PNPLA7: variants seen among roughly 807,000 people sequenced by gnomAD.
PNPLA7 encodes patatin-like phospholipase domain-containing protein 7.
Under a neutral mutation model 161.7 loss-of-function variants are expected in PNPLA7, and 153 were observed. The observed-to-expected ratio is 0.95, with a 90% CI of 0.83 to 1.08. The LOEUF (loss-of-function observed/expected upper bound fraction) is 1.08, where lower values mean the gene tolerates loss of function less well. Ranked by LOEUF, PNPLA7 falls within the 50% of genes least tolerant of loss-of-function variation. The pLI, the probability that PNPLA7 is intolerant of heterozygous loss-of-function variation, is 0.00. For missense variants in PNPLA7, 1,739 were observed against 1,856.6 expected (o/e 0.94, Z 1.16); for synonymous variants, 809 against 782.1 (o/e 1.03, Z -0.57).
chr9:137,484,667 G>A lies in PNPLA7; in HGVS notation c.2267C>T (p.Thr756Met), dbSNP rs199678549. ...CTCTGACACGGGCATCACTGCCACC[G>A]TGGACAGGTTGACAGCCGGGTTCCC... Reference protein sequence around the residue: ...DLGNPAVNLSTVAVMPVSEEV... With the variant: ...DLGNPAVNLSMVAVMPVSEEV... Residue 756 changes from threonine to methionine, a missense_variant, in exon 21 of 35, where the codon ACG becomes ATG. Thr to Met is a moderately conservative substitution (Grantham distance 81). Around this residue, in one of 6 missense-constraint regions of PNPLA7, gnomAD observed 192 missense variants for 249.5 expected, o/e 0.77. Coordinates refer to ENST00000406427, the MANE Select transcript of PNPLA7 (RefSeq NM_001098537.3). The A allele has an allele frequency of 9.3e-6, 15 of 1,612,418 alleles. No individual in the cohort carries two copies. Among genetic ancestry groups the A allele is most frequent in the Admixed American group, 5.0e-5 (3 of 59,896 alleles).
intron 8 of PNPLA7, among the ~76,000 whole-genome samples, chr9:137,526,761 T>C (rs1448625193): frequency 1.3e-5 from 2 of 152,218 alleles, no homozygotes; most frequent in African/African-American, 2.4e-5. Flanking sequence ...TAATTCTTCA[T>C]TGCTAATATA....
chr9:137,509,867 C>T (rs1834126215), intron 12 of PNPLA7: 1 of 370,638 alleles, frequency 2.7e-6, no homozygotes, highest in Non-Finnish European at 5.5e-6. Context: ...AGATATAGAT[C>T]TTAGGTATGA....
intron 19 of PNPLA7, among the ~76,000 whole-genome samples, chr9:137,494,471 G>C (rs920743051): frequency 6.6e-6 from 1 of 152,174 alleles, no homozygotes; most frequent in African/African-American, 2.4e-5. Flanking sequence ...TCCATGTGTA[G>C]GTAGACCGAA....
intron 12 of PNPLA7, 50 bp from the exon 13 acceptor site, chr9:137,506,133 A>T (rs1261810550): frequency 6.6e-7 from 1 of 1,507,324 alleles, no homozygotes; most frequent in Admixed American, 1.9e-5. Flanking sequence ...CCACTGACAC[A>T]AACGTCCGCG....
chr9:137,515,453 G>A lies in PNPLA7; in HGVS notation c.1151C>T (p.Pro384Leu), dbSNP rs1240422840. The A allele has an allele frequency of 1.3e-6, 2 of 1,595,992 alleles. No homozygotes were observed. Among genetic ancestry groups the A allele is most frequent in the Non-Finnish European group, 1.7e-6 (2 of 1,172,626 alleles). Residue 384 changes from proline to leucine, a missense_variant, in exon 12 of 35, where the codon CCT (proline) becomes CTT (leucine). Pro to Leu is a moderately conservative substitution (Grantham distance 98, BLOSUM62 -3). Coordinates refer to ENST00000406427, the MANE Select transcript of PNPLA7 (RefSeq NM_001098537.3). ...CTCCAAGATCTGTTTGCGAATGGAA[G>A]GCGCGGGGACGGAGTGGCTCCTCTT... is the stretch of plus-strand genomic sequence containing the variant. ...LLKRSHSVPA[P>L]SIRKQILEEL...
At chr9:137,477,598 G>A (rs200496857) in intron 25 of PNPLA7, among the ~76,000 whole-genome samples, 3 of 152,078 alleles carry the variant, frequency 2.0e-5, no homozygotes, top group East Asian at 1.9e-4. Context: ...ACAGGTGCGC[G>A]CCACCACGCC....
intron 14 of PNPLA7, among the ~76,000 whole-genome samples, chr9:137,502,712 C>CGAG (rs1833529242): frequency 1.2e-4 from 1 of 8,212 alleles, no homozygotes; most frequent in African/African-American, 7.1e-4. Context: ...GCGGGGGACG[C>CGAG]GGGGGACGCG....
At chr9:137,517,966 G>GTC (rs1834711480) in intron 11 of PNPLA7, among the ~76,000 whole-genome samples, 1 of 84,336 alleles carries the variant, frequency 1.2e-5, no homozygotes, top group African/African-American at 5.3e-5. Context: ...ACTCCACTCT[G>GTC]CTCACTCCAT....
intron 25 of PNPLA7, among the ~76,000 whole-genome samples, chr9:137,473,125 A>C (rs1831789688): frequency 6.6e-6 from 1 of 152,208 alleles, no homozygotes; most frequent in South Asian, 2.1e-4. Flanking sequence ...CCGTTAGACT[A>C]TCACGAGAAG....
At chr9:137,549,265 G>T (rs11137127) in intron 1 of PNPLA7, among the ~76,000 whole-genome samples, 44 of 152,252 alleles carry the variant, frequency 2.9e-4, no homozygotes, top group African/African-American at 1.0e-3. Context: ...GGCAGATCAT[G>T]AGGTCAAGAG....
At chr9:137,531,013 C>A (rs140914714) in intron 8 of PNPLA7, among the ~76,000 whole-genome samples, 1 of 152,166 alleles carries the variant, frequency 6.6e-6, no homozygotes. Context: ...ACATGCTAAT[C>A]GATCTCTGAG....
chr9:137,477,695 G>A (rs1031003534), intron 25 of PNPLA7, among the ~76,000 whole-genome samples: 2 of 152,188 alleles, frequency 1.3e-5, no homozygotes, highest in African/African-American at 4.8e-5. Context: ...TGCCCGCCTC[G>A]GCCTCCCAAA....
chr9:137,542,386 G>A (rs1031392473), intron 7 of PNPLA7, among the ~76,000 whole-genome samples: 4 of 152,254 alleles, frequency 2.6e-5, no homozygotes, highest in Non-Finnish European at 2.9e-5. Flanking sequence ...CGGGAGGATC[G>A]CTTGAGCCCA....
rs867909577 is a variant in PNPLA7 at position 137,505,755 on chromosome 9, C to T, written c.1332G>A (p.Arg444=). ...GTATCTCTGCAACCATCACGCTTTT[C>T]CTGGACTGGAGAAGAACGGAGATAC... ...HPGSSVASKS[R]KSVMVAEIPS... is the part of the protein sequence containing the mutation. Residue 444 remains arginine, a synonymous_variant, in exon 14 of 35, where the codon AGG becomes AGA. Coordinates refer to ENST00000406427, the MANE Select transcript of PNPLA7 (RefSeq NM_001098537.3). 2 of 1,613,932 alleles carry T rather than the reference C, an allele frequency of 1.2e-6. No individual in the cohort carries two copies. The highest frequency in any genetic ancestry group is 1.1e-5 in the South Asian group (1 of 91,086).
intron 14 of PNPLA7, among the ~76,000 whole-genome samples, chr9:137,505,188 A>G (rs1439766683): frequency 6.3e-5 from 3 of 47,912 alleles, no homozygotes; most frequent in Non-Finnish European, 1.4e-4. Context: ...ACTCTGTCTC[A>G]AAAAAAAAAA....
At chr9:137,521,798 G>C (rs1228302382) in intron 9 of PNPLA7, 82 bp from the exon 10 acceptor site, 8 of 1,250,388 alleles carry the variant, frequency 6.4e-6, no homozygotes, top group Non-Finnish European at 9.0e-6. Context: ...AGAGCACTGA[G>C]AACCGTGCCC....
In PNPLA7 at chr9:137,495,254, T is replaced by A. The variant is rs376512648; in HGVS notation, c.2014-108A>T. 5.4e-4 allele frequency: 380 copies of A among 709,766 alleles called. 1 individual carries two copies. The African/African-American group carries it at 6.2e-3, about 12-fold the overall frequency. The allele number at this position is 709,766 out of a possible 1,614,324, so 44.0% of individuals were successfully genotyped here. Reference sequence around the variant, plus strand: ...TGCCAGAGCCACACATGACACCCCATCCACACCGCAAGGCGGAGGCAGTCA... The same window carrying A: ...TGCCAGAGCCACACATGACACCCCAACCACACCGCAAGGCGGAGGCAGTCA... On this transcript the variant is annotated intron_variant, in intron 18 of 34. Transcript: ENST00000406427.
At chr9:137,506,121 G>A (rs1479332048) in intron 12 of PNPLA7, 38 bp from the exon 13 acceptor site, 1 of 1,561,740 alleles carries the variant, frequency 6.4e-7, no homozygotes, top group Non-Finnish European at 8.8e-7. Flanking sequence ...CGGTTCGCTA[G>A]GCCACTGACA....
rs1836350926 is a variant in PNPLA7 at position 137,543,934 on chromosome 9, T to C, written c.274-119A>G. On this transcript the variant is annotated intron_variant, in intron 4 of 34. Transcript: ENST00000406427. This position sits in a 1 kb window ranked among gnomAD's most constrained non-coding sequence, Gnocchi z 6.9. ...GGCCTCCCACAGTCCCAGCTTCAGC[T>C]CCTGGGGTCTGGCTGTGCCATTTTC... The C allele has an allele frequency of 1.2e-5, 10 of 802,832 alleles. No homozygotes were observed. The highest frequency in any genetic ancestry group is 2.1e-5 in the Non-Finnish European group (10 of 481,822). The allele number at this position is 802,832 out of a possible 1,614,324, so 49.7% of individuals were successfully genotyped here. A position where few individuals can be genotyped will look rare whatever the true frequency, so the allele number is the denominator to read the frequency against.
Sources: allele counts gnomAD v4.1 joint callset (sites outside exome capture counted in the v4.1 genomes callset), GRCh38; gene constraint gnomAD v4.1.1; regional missense constraint gnomAD v4.1.1; non-coding constraint Gnocchi (gnomAD v3.1); transcripts MANE v1.5; gene names NCBI Gene and HGNC (gene_info 2026-07-23, HGNC 2026-07-21).